Variants in SH3BP5L observed in about 807,000 individuals in gnomAD.
SH3BP5L encodes SH3 binding domain protein 5 like, also known as SH3 domain-binding protein 5-like.
Under a neutral mutation model 40.9 loss-of-function variants are expected in SH3BP5L, and 16 were observed. That is an observed-to-expected ratio of 0.39 (90% CI 0.27 to 0.59). The LOEUF (loss-of-function observed/expected upper bound fraction) is 0.59. SH3BP5L is among the 20% of genes least tolerant of loss of function. SH3BP5L has a pLI of 0.53. For missense variants in SH3BP5L, 471 were observed against 544.6 expected (o/e 0.86, Z 1.35); for synonymous variants, 229 against 226.7 (o/e 1.01, Z -0.09).
At chr1:248,818,137 CAGG>C (rs754340698) in intron 2 of SH3BP5L, among the ~76,000 whole-genome samples, 7 of 152,114 alleles carry the variant, frequency 4.6e-5, no homozygotes, top group Non-Finnish European at 8.8e-5. Flanking sequence ...CACTTGAGGC[CAGG>C]AGTTCAAGAC....
chr1:248,816,684 G>A (rs1356223575), intron 3 of SH3BP5L, 22 bp from the exon 4 acceptor site: 4 of 1,613,956 alleles, frequency 2.5e-6, no homozygotes, highest in Admixed American at 3.3e-5. Context: ...CAAGGCAGAG[G>A]AAAGGCACAT....
At chr1:248,823,951 C>T (rs1013948812) in intron 2 of SH3BP5L, among the ~76,000 whole-genome samples, 1 of 152,226 alleles carries the variant, frequency 6.6e-6, no homozygotes, top group Non-Finnish European at 1.5e-5. Context: ...CCCTGAAACA[C>T]TGCAACCCAG....
intron 2 of SH3BP5L, among the ~76,000 whole-genome samples, chr1:248,823,846 C>T (rs563437658): frequency 2.0e-5 from 3 of 152,326 alleles, no homozygotes; most frequent in South Asian, 2.1e-4. Flanking sequence ...GAGATGTGAC[C>T]GGAACAAATG....
chr1:248,814,427 C>T, intron 5 of SH3BP5L, 22 bp downstream of exon 5: 1 of 1,613,148 alleles, frequency 6.2e-7, no homozygotes, highest in Admixed American at 1.7e-5. Flanking sequence ...CGAAGGGGAC[C>T]TGCTGGCACC....
chr1:248,813,031 G>A lies in SH3BP5L; in HGVS notation c.669C>T (p.Arg223=). Residue 223 remains arginine, a synonymous_variant, in exon 6 of 7, where the codon CGC becomes CGT. Transcript: ENST00000366472. The part of the protein sequence containing the change: ...KTLRRAIGKS[R]PYFELKAQFS... ...ACTGGGCCTTGAGCTCAAAGTAGGG[G>A]CGGCTCTTGCCGATGGCCCTCCGGA... 1 of 1,608,126 alleles carries A rather than the reference G, an allele frequency of 6.2e-7. No homozygotes were observed. Among genetic ancestry groups the A allele is most frequent in the Non-Finnish European group, 8.5e-7 (1 of 1,176,096 alleles).
chr1:248,817,073 C>T, intron 2 of SH3BP5L, 189 bp from the exon 3 acceptor site: 1 of 1,526,318 alleles, frequency 6.6e-7, no homozygotes, highest in Non-Finnish European at 8.8e-7. Context: ...CTGATACATA[C>T]AATCTCACGT....
At chr1:248,825,743 C>T in intron 1 of SH3BP5L, 92 bp downstream of exon 1, 1 of 381,376 alleles carries the variant, frequency 2.6e-6, no homozygotes, top group Non-Finnish European at 3.6e-6. Context: ...CTAAGCCTCC[C>T]GTCTCCAATT....
chr1:248,814,721 G>T, intron 4 of SH3BP5L, 111 bp from the exon 5 acceptor site: 1 of 1,078,772 alleles, frequency 9.3e-7, no homozygotes, highest in Non-Finnish European at 1.4e-6. Context: ...TAGCAATGTC[G>T]GCTTCATTTC....
rs919367201 is a variant in SH3BP5L at position 248,821,658 on chromosome 1, G to A, written c.183+3095C>T. ...ACAGAACAGACCCAGGTCCATCCTAGATCCACGCTCCTTTCCTCTTCCCTC... is the reference window on the plus strand; with the variant it reads ...ACAGAACAGACCCAGGTCCATCCTAAATCCACGCTCCTTTCCTCTTCCCTC... On this transcript the variant is annotated intron_variant, in intron 2 of 6. Transcript: ENST00000366472. This position sits in a 1 kb window ranked among gnomAD's most constrained non-coding sequence, Gnocchi z 4.6. Among the ~76,000 whole-genome samples, 2 of 152,044 alleles carry A rather than the reference G, an allele frequency of 1.3e-5. No homozygotes were observed.
Position 248,821,335 on chromosome 1 carries a change from G to A in SH3BP5L, c.183+3418C>T, listed in dbSNP as rs143512014. 3.1e-4 allele frequency: 48 copies of A among 152,542 alleles called. No homozygotes were observed. The highest frequency in any genetic ancestry group is 1.1e-3 in the African/African-American group (47 of 41,578). The allele number at this position is 152,542 out of a possible 1,614,324, so 9.4% of individuals were successfully genotyped here. On this transcript the variant is annotated intron_variant, in intron 2 of 6. Transcript: ENST00000366472. The surrounding 1 kb of genome is among the most constrained non-coding windows in gnomAD (Gnocchi z 4.6). ...CATCAGTGAGCCAGCAGCCAGCAGG[G>A]AGGGTGACCTTCCCAGGGCACAGCA...
At chr1:248,815,393 C>G (rs1381096246) in intron 4 of SH3BP5L, among the ~76,000 whole-genome samples, 1 of 152,062 alleles carries the variant, frequency 6.6e-6, no homozygotes, top group East Asian at 1.9e-4. Flanking sequence ...CTGTGTAATC[C>G]CATTTTGGCT....
Position 248,812,148 on chromosome 1 carries a change from C to T in SH3BP5L, c.934G>A (p.Glu312Lys). The change falls in exon 7 of 7, where the codon GAG becomes AAG. Residue 312 changes from glutamate (E) to lysine (K), a missense_variant. This residue lies in a region of SH3BP5L where 196 missense variants were observed against 174.6 expected (regional missense o/e 1.12). Coordinates refer to ENST00000366472, the MANE Select transcript of SH3BP5L (RefSeq NM_030645.3). This position sits in a 1 kb window ranked among gnomAD's most constrained non-coding sequence, Gnocchi z 6.1. ...EDGDSGIEGA[E>K]GAGLEEGSSL... is the part of the protein sequence containing the mutation. ...CTGCCCTCCTCCAGCCCCGCACCCT[C>T]GGCCCCCTCAATCCCGCTGTCTCCG... 6.2e-7 allele frequency: 1 copy of T among 1,600,940 alleles called. No individual in the cohort carries two copies.
Position 248,812,262 on chromosome 1 carries a change from G to C in SH3BP5L, c.820C>G (p.Arg274Gly), listed in dbSNP as rs754071227. 2.2e-5 allele frequency: 36 copies of C among 1,611,982 alleles called. No individual in the cohort carries two copies. The highest frequency in any genetic ancestry group is 3.0e-5 in the Non-Finnish European group (35 of 1,179,880). The part of the protein sequence containing the change: ...LEQISEQIHA[R>G]RRGGLPPHPL... ...TGGGGAGGCAGACCCCCGCGGCGCC[G>C]TGCGTGAATCTGCTCGCTGATCTGC... Residue 274 changes from arginine (R) to glycine (G), a missense_variant, in exon 7 of 7, where the codon CGG becomes GGG. Around this residue, in one of 2 missense-constraint regions of SH3BP5L, gnomAD observed 275 missense variants for 370.1 expected, o/e 0.74. Transcript: ENST00000366472. This position sits in a 1 kb window ranked among gnomAD's most constrained non-coding sequence, Gnocchi z 6.1.
chr1:248,812,046 G>C lies in SH3BP5L; in HGVS notation c.1036C>G (p.Gln346Glu). 6.2e-7 allele frequency: 1 copy of C among 1,612,974 alleles called. No individual in the cohort carries two copies. Among genetic ancestry groups the C allele is most frequent in the East Asian group, 2.2e-5 (1 of 44,858 alleles). Residue 346 changes from glutamine (Q) to glutamate (E), a missense_variant, in exon 7 of 7, where the codon CAG becomes GAG. Coordinates refer to ENST00000366472, the MANE Select transcript of SH3BP5L (RefSeq NM_030645.3). The surrounding 1 kb of genome is among the most constrained non-coding windows in gnomAD (Gnocchi z 6.1). ...LSLRTVASDLQKCDSVEHLRG... is the reference protein window; with the variant it reads ...LSLRTVASDLEKCDSVEHLRG... ...AAGTGCTCCACGGAGTCGCACTTCT[G>C]CAGGTCTGAAGCCACCGTGCGCAGG...
intron 4 of SH3BP5L, 99 bp downstream of exon 4, chr1:248,816,435 C>T: frequency 6.6e-7 from 1 of 1,514,484 alleles, no homozygotes; most frequent in Non-Finnish European, 9.0e-7. Flanking sequence ...GCTCTGCCCT[C>T]AGGGTCTGGT....
In SH3BP5L at chr1:248,813,218, G is replaced by C. The variant is rs982736282; in HGVS notation, c.538-56C>G. 4 of 1,434,808 alleles carry C rather than the reference G, an allele frequency of 2.8e-6. No individual in the cohort carries two copies. The Admixed American group carries it at 1.0e-4, about 37-fold the overall frequency. The allele number at this position is 1,434,808 out of a possible 1,614,324, so 88.9% of individuals were successfully genotyped here. On this transcript the variant is annotated intron_variant, in intron 5 of 6. Transcript: ENST00000366472. ...ACCCATGCTTCAGTCTCTGGCATCT[G>C]CCCCAGGCTGCCAATCTGAACAACG...
rs1664366880 is a variant in SH3BP5L at position 248,825,842 on chromosome 1, T to C, written c.-439A>G. 3 of 982,644 alleles carry C rather than the reference T, an allele frequency of 3.1e-6. No individual in the cohort carries two copies. Among genetic ancestry groups the C allele is most frequent in the Non-Finnish European group, 3.6e-6 (3 of 827,904 alleles). The allele number at this position is 982,644 out of a possible 1,614,324, so 60.9% of individuals were successfully genotyped here. ...CCCCCCGCACAGCCTTACCTCAGTT[T>C]ACCTTCCCGTCCGCGGAGCTTCTAT... is the stretch of plus-strand genomic sequence containing the variant. On this transcript the variant is annotated 5_prime_UTR_variant, in exon 1 of 7. Transcript: ENST00000366472.
Position 248,812,104 on chromosome 1 carries a change from G to T in SH3BP5L, c.978C>A (p.Pro326=). The stretch of plus-strand genomic sequence containing the variant: ...GACTCAGGGTATCGGTGTCGGGGGC[G>T]GGGCCGGGCCCCAGGCTGCTGCCCT... ...LEEGSSLGPG[P]APDTDTLSLL... is the part of the protein sequence containing the mutation. Residue 326 remains proline (P), a synonymous_variant, in exon 7 of 7, where the codon CCC becomes CCA. Transcript: ENST00000366472. This position sits in a 1 kb window ranked among gnomAD's most constrained non-coding sequence, Gnocchi z 6.1. The T allele has an allele frequency of 6.2e-7, 1 of 1,610,976 alleles. No homozygotes were observed. The highest frequency in any genetic ancestry group is 8.5e-7 in the Non-Finnish European group (1 of 1,178,532).
At chr1:248,814,652 C>A (rs1664050598) in intron 4 of SH3BP5L, 42 bp from the exon 5 acceptor site, 1 of 1,608,618 alleles carries the variant, frequency 6.2e-7, no homozygotes. Flanking sequence ...CCTGAGGGAC[C>A]CCAGCTGCCC....
Sources: gnomAD v4.1 joint callset for allele counts (sites outside exome capture counted in the v4.1 genomes callset) on GRCh38, gnomAD v4.1.1 for gene constraint, gnomAD v4.1.1 regional missense constraint, Gnocchi (gnomAD v3.1) non-coding constraint, MANE v1.5 for transcripts, NCBI Gene and HGNC (gene_info 2026-07-23, HGNC 2026-07-21) for gene names.